PTPRN2: variants seen among roughly 807,000 people sequenced by gnomAD.
PTPRN2 encodes receptor-type tyrosine-protein phosphatase N2.
In PTPRN2, 74 loss-of-function variants were observed where a neutral mutation model predicts 118.8. The observed-to-expected ratio is 0.62, with a 90% CI of 0.52 to 0.76. The LOEUF is 0.76. PTPRN2 is among the 30% of genes least tolerant of loss of function. The probability of loss-of-function intolerance (pLI) is 0.00; values close to 1 mark genes in which losing one functional copy is unlikely to be tolerated. For missense variants in PTPRN2, 1,481 were observed against 1,394.4 expected, an observed-to-expected ratio of 1.06 and a Z score of -0.99; for synonymous variants, 641 against 608.0, an observed-to-expected ratio of 1.05 and a Z score of -0.80.
chr7:158,021,514 G>A (rs1203354831), intron 11 of PTPRN2, among the ~76,000 whole-genome samples: 1 of 152,050 alleles, frequency 6.6e-6, no homozygotes, highest in African/African-American at 2.4e-5. Context: ...TAAAAAGAAG[G>A]GAATATATCG....
chr7:157,634,522 G>T (rs1216523362), intron 14 of PTPRN2, among the ~76,000 whole-genome samples: 3 of 152,192 alleles, frequency 2.0e-5, no homozygotes, highest in African/African-American at 7.2e-5. Context: ...CTTGTCCACA[G>T]ATGAGGCAAC....
chr7:158,485,984 T>C (rs1820987836), intron 2 of PTPRN2, among the ~76,000 whole-genome samples: 1 of 152,236 alleles, frequency 6.6e-6, no homozygotes, highest in Non-Finnish European at 1.5e-5. Flanking sequence ...CTGCTTAACA[T>C]TTGAATCATG....
chr7:158,262,980 TACAGATTCACACACATTGCAC>T (rs1230508357), intron 3 of PTPRN2, among the ~76,000 whole-genome samples: 2 of 143,060 alleles, frequency 1.4e-5, no homozygotes, highest in African/African-American at 5.3e-5. Context: ...ACTGCACACA[TACAGATTCACACACATTGCAC>T]ACACACATTC....
intron 3 of PTPRN2, among the ~76,000 whole-genome samples, chr7:158,222,186 A>C (rs2150796112): frequency 6.6e-6 from 1 of 152,344 alleles, no homozygotes; most frequent in South Asian, 2.1e-4. Context: ...AGAGAACTTA[A>C]CACAGAACTA....
At chr7:158,545,052 C>T (rs1182960610) in intron 1 of PTPRN2, among the ~76,000 whole-genome samples, 1 of 152,254 alleles carries the variant, frequency 6.6e-6, no homozygotes, top group Admixed American at 6.5e-5. Context: ...CAGCCCAGCC[C>T]CACCCACGGC....
In PTPRN2 at chr7:158,167,075, C is replaced by T; in HGVS notation, c.766G>A (p.Ala256Thr). ...LSAYAAQRPP[A>T]PPGEGSLEPQ... The stretch of plus-strand genomic sequence containing the variant: ...TCCAGGCTGCCCTCCCCGGGGGGAG[C>T]TGGGGGCCTCTGGGCAGCATAGGCA... Residue 256 changes from alanine to threonine, a missense_variant, in exon 6 of 23, where the codon GCT (alanine) becomes ACT (threonine). This residue lies in a region of PTPRN2 where 1,115 missense variants were observed against 994.2 expected (regional missense o/e 1.12). Coordinates refer to ENST00000389418, the MANE Select transcript of PTPRN2 (RefSeq NM_002847.5). 6.2e-7 allele frequency: 1 copy of T among 1,600,204 alleles called. No individual in the cohort carries two copies. Among genetic ancestry groups the T allele is most frequent in the East Asian group, 2.2e-5 (1 of 44,464 alleles).
intron 11 of PTPRN2, among the ~76,000 whole-genome samples, chr7:158,056,488 C>T (rs996099537): frequency 6.6e-6 from 1 of 152,216 alleles, no homozygotes; most frequent in African/African-American, 2.4e-5. Context: ...TTCAACAGAA[C>T]AAAATACTTC....
rs958145021 is a variant in PTPRN2, at chr7:157,745,117, G to A, written c.1789-62180C>T. On this transcript the variant is annotated intron_variant, in intron 12 of 22. Transcript: ENST00000389418. ...TGCACGGAGCTAAGATTTATAGACC[G>A]AGACAGCTCCAGGAGTGGCCACCCC... 2.0e-5 allele frequency among the ~76,000 whole-genome samples: 3 copies of A among 152,198 alleles called. No individual in the cohort carries two copies. In the East Asian group the frequency reaches 5.8e-4, roughly 29 times the overall value.
chr7:158,258,970 G>A (rs1353661300), intron 3 of PTPRN2, among the ~76,000 whole-genome samples: 1 of 152,162 alleles, frequency 6.6e-6, no homozygotes, highest in African/African-American at 2.4e-5. Flanking sequence ...TCCAGAGTGG[G>A]GTGAGGGAGG....
chr7:157,685,610 C>T (rs1039861873), intron 12 of PTPRN2, among the ~76,000 whole-genome samples: 1 of 152,092 alleles, frequency 6.6e-6, no homozygotes, highest in African/African-American at 2.4e-5. Flanking sequence ...CCGGGGCCAG[C>T]CGAGGCTGTT....
intron 12 of PTPRN2, among the ~76,000 whole-genome samples, chr7:157,838,012 C>T (rs938533965): frequency 6.7e-6 from 1 of 149,192 alleles, no homozygotes; most frequent in South Asian, 2.2e-4. Context: ...CAGTTCCTCT[C>T]GTAGTGGATG....
chr7:157,734,301 GTTAC>G lies in PTPRN2; in HGVS notation c.1789-51368_1789-51365del, dbSNP rs200912357. ...TCTTCCGTCCCATGCGCCCAGTGCAGTTACTCTTCCGTCCCATGCACCCAGCGCA... is the reference window on the plus strand; with the variant it reads ...TCTTCCGTCCCATGCGCCCAGTGCAGTCTTCCGTCCCATGCACCCAGCGCA... On this transcript the variant is annotated intron_variant, in intron 12 of 22. Coordinates refer to ENST00000389418, the MANE Select transcript of PTPRN2 (RefSeq NM_002847.5). Among the ~76,000 whole-genome samples, 276 of 140,538 alleles carry G rather than the reference GTTAC, an allele frequency of 2.0e-3. 1 individual carries two copies. Among genetic ancestry groups the G allele is most frequent in the African/African-American group, 7.6e-3 (254 of 33,280 alleles). 92.2% of individuals were successfully genotyped at this position (140,538 alleles called of 152,430 possible). A position where few individuals can be genotyped will look rare whatever the true frequency, so the allele number is the denominator to read the frequency against.
rs181098934 is a variant in PTPRN2, at chr7:158,546,335, G to T, written c.112+41223C>A. On this transcript the variant is annotated intron_variant, in intron 1 of 22. Coordinates refer to ENST00000389418, the MANE Select transcript of PTPRN2 (RefSeq NM_002847.5). The surrounding 1 kb of genome is among the most constrained non-coding windows in gnomAD (Gnocchi z 5.0). Reference sequence around the variant, plus strand: ...ACGCCTGCCCGGAGACGGGGTCCGCGAGGTGCCAGCTTTGCACTGTCAAAG... The same window carrying T: ...ACGCCTGCCCGGAGACGGGGTCCGCTAGGTGCCAGCTTTGCACTGTCAAAG... Among the ~76,000 whole-genome samples the T allele has an allele frequency of 3.7e-3, 570 of 152,322 alleles. 2 individuals are homozygous for T. The highest frequency in any genetic ancestry group is 0.013 in the African/African-American group (549 of 41,580).
At position 158,312,027 on chromosome 7, in the gene PTPRN2, G is replaced by A. The variant is rs192483027; in HGVS notation, c.277+4792C>T. ...CACACCTGCACATTCACATGCTCACGTGTAGAGACACACACATGCACACAC... is the reference window on the plus strand; with the variant it reads ...CACACCTGCACATTCACATGCTCACATGTAGAGACACACACATGCACACAC... On this transcript the variant is annotated intron_variant, in intron 3 of 22. Coordinates refer to ENST00000389418, the MANE Select transcript of PTPRN2 (RefSeq NM_002847.5). Among the ~76,000 whole-genome samples the A allele has an allele frequency of 5.7e-5, 8 of 140,288 alleles. No homozygotes were observed. The East Asian group carries it at 1.8e-3, about 32-fold the overall frequency. 92.0% of individuals were successfully genotyped at this position (140,288 alleles called of 152,430 possible). A position where few individuals can be genotyped will look rare whatever the true frequency, so the allele number is the denominator to read the frequency against.
At chr7:158,171,324 T>TACACACATAC (rs1432300668) in intron 5 of PTPRN2, among the ~76,000 whole-genome samples, 1 of 119,276 alleles carries the variant, frequency 8.4e-6, no homozygotes, top group African/African-American at 3.7e-5. Flanking sequence ...TATATATATA[T>TACACACATAC]ATATATATAT....
At chr7:158,095,012 T>C (rs951719507) in intron 10 of PTPRN2, among the ~76,000 whole-genome samples, 1 of 152,164 alleles carries the variant, frequency 6.6e-6, no homozygotes, top group Non-Finnish European at 1.5e-5. Flanking sequence ...CGCACACTCA[T>C]GGGCCAGCAT....
At chr7:157,762,609 G>C (rs1286368872) in intron 12 of PTPRN2, among the ~76,000 whole-genome samples, 2 of 116,088 alleles carry the variant, frequency 1.7e-5, no homozygotes. Flanking sequence ...TGGGGGGAGG[G>C]GGGAGGGATA....
intron 21 of PTPRN2, among the ~76,000 whole-genome samples, chr7:157,556,007 T>G (rs1798858925): frequency 6.6e-6 from 1 of 152,136 alleles, no homozygotes. Context: ...TTTCTAGCTC[T>G]CCATGTCAGC....
At chr7:158,512,917 T>C (rs150779631) in intron 1 of PTPRN2, among the ~76,000 whole-genome samples, 1 of 152,264 alleles carries the variant, frequency 6.6e-6, no homozygotes, top group Non-Finnish European at 1.5e-5. Context: ...TAGCCCAAAA[T>C]ATAACATAAA....
Sources: allele counts gnomAD v4.1 joint callset (sites outside exome capture counted in the v4.1 genomes callset), GRCh38; gene constraint gnomAD v4.1.1; regional missense constraint gnomAD v4.1.1; non-coding constraint Gnocchi (gnomAD v3.1); transcripts MANE v1.5; gene names NCBI Gene and HGNC (gene_info 2026-07-23, HGNC 2026-07-21).